EXPH5: variants seen among roughly 807,000 people sequenced by gnomAD.
The protein encoded by EXPH5 is exophilin 5.
EXPH5 carries 42 observed loss-of-function variants against 41.1 expected under a neutral mutation model. The ratio of observed to expected loss-of-function variants is 1.02; its 90% CI spans 0.80 to 1.32. The LOEUF (loss-of-function observed/expected upper bound fraction) is 1.32. Among genes scored for constraint, EXPH5 ranks in the 40% most tolerant of loss-of-function variants. The probability of loss-of-function intolerance (pLI) is 0.00; values close to 1 mark genes in which losing one functional copy is unlikely to be tolerated. For missense variants in EXPH5, 2,298 were observed against 2,314.5 expected (o/e 0.99, Z 0.15); for synonymous variants, 798 against 833.5 (o/e 0.96, Z 0.73).
rs2094133228 is a variant in EXPH5 at position 108,593,405 on chromosome 11, A to G, written c.119+13T>C. The G allele has an allele frequency of 1.9e-6, 3 of 1,608,750 alleles. No homozygotes were observed. The highest frequency in any genetic ancestry group is 2.6e-6 in the Non-Finnish European group (3 of 1,175,352). On this transcript the variant is annotated intron_variant, in intron 1 of 5. Coordinates refer to ENST00000265843, the MANE Select transcript of EXPH5 (RefSeq NM_015065.3). ...CCCAGGCCCAGGACAAAAGAAATGA[A>G]TTTGCTCTGTACCTGATCCTGTCCT...
rs547276709 is a variant in EXPH5 at position 108,589,152 on chromosome 11, A to G, written c.119+4266T>C. Among the ~76,000 whole-genome samples the G allele has an allele frequency of 2.6e-5, 4 of 152,338 alleles. No homozygotes were observed. The East Asian group carries it at 7.7e-4, about 29-fold the overall frequency. ...ATTCTATCGCCAATGAAAACCTTTC[A>G]TAGACTGAAGCCATTTGGGACAGAA... On this transcript the variant is annotated intron_variant, in intron 1 of 5. Transcript: ENST00000265843.
intron 3 of EXPH5, among the ~76,000 whole-genome samples, chr11:108,531,725 C>A (rs752703477): frequency 1.3e-5 from 2 of 152,220 alleles, no homozygotes; most frequent in Non-Finnish European, 2.9e-5. Context: ...GTGGGGCACA[C>A]TTTACCCACT....
chr11:108,563,127 T>A (rs1475410316), intron 1 of EXPH5, among the ~76,000 whole-genome samples: 3 of 152,174 alleles, frequency 2.0e-5, no homozygotes, highest in Non-Finnish European at 4.4e-5. Context: ...TGAGGAGGCT[T>A]TCTCTAGAGC....
chr11:108,509,875 T>C lies in EXPH5; in HGVS notation c.5632A>G (p.Ile1878Val). Residue 1878 changes from isoleucine to valine, a missense_variant, in exon 6 of 6, where the codon ATA becomes GTA. By Grantham distance (29) the Ile-to-Val change is conservative. Coordinates refer to ENST00000265843, the MANE Select transcript of EXPH5 (RefSeq NM_015065.3). ...SGTKTGPRSA[I>V]SIYRPIDYGI... Reference sequence around the variant, plus strand: ...TAGTCGATAGGTCTGTATATAGATATTGCAGACCTGGGACCTGTTTTTGTC... The same window carrying C: ...TAGTCGATAGGTCTGTATATAGATACTGCAGACCTGGGACCTGTTTTTGTC... The C allele has an allele frequency of 1.2e-6, 2 of 1,610,244 alleles. No individual in the cohort carries two copies. Among genetic ancestry groups the C allele is most frequent in the Non-Finnish European group, 1.7e-6 (2 of 1,178,850 alleles).
At chr11:108,570,659 T>G in intron 1 of EXPH5, among the ~76,000 whole-genome samples, 1 of 152,158 alleles carries the variant, frequency 6.6e-6, no homozygotes, top group Non-Finnish European at 1.5e-5. Context: ...TTCTGCCACC[T>G]CAGCCTCTTA....
At chr11:108,578,965 T>G (rs2094088893) in intron 1 of EXPH5, among the ~76,000 whole-genome samples, 1 of 152,238 alleles carries the variant, frequency 6.6e-6, no homozygotes, top group South Asian at 2.1e-4. Context: ...GAACAATGAT[T>G]TCTTTCTTTC....
At chr11:108,603,236 C>A in the EXPH5 span, among the ~76,000 whole-genome samples, 2 of 152,154 alleles carry the variant, frequency 1.3e-5, no homozygotes, top group African/African-American at 4.8e-5. Flanking sequence ...CAGACTAATA[C>A]AATAGGGTTG....
At chr11:108,526,061 T>C (rs1313581433) in intron 4 of EXPH5, among the ~76,000 whole-genome samples, 1 of 151,860 alleles carries the variant, frequency 6.6e-6, no homozygotes, top group Non-Finnish European at 1.5e-5. Flanking sequence ...ACTACAAGTG[T>C]GTGCCACCAC....
In EXPH5 at chr11:108,576,713, C is replaced by A. The variant is rs540347433; in HGVS notation, c.119+16705G>T. On this transcript the variant is annotated intron_variant, in intron 1 of 5. Coordinates refer to ENST00000265843, the MANE Select transcript of EXPH5 (RefSeq NM_015065.3). ...TAAGTAAGATATCCATTGCCTCAAGCATTTATCATTTCTTTGTGTTGGAAA... is the reference window on the plus strand; with the variant it reads ...TAAGTAAGATATCCATTGCCTCAAGAATTTATCATTTCTTTGTGTTGGAAA... Among the ~76,000 whole-genome samples the A allele has an allele frequency of 3.2e-4, 49 of 152,236 alleles. 1 individual carries two copies. Among genetic ancestry groups the A allele is most frequent in the Admixed American group, 3.1e-3 (48 of 15,290 alleles).
chr11:108,580,093 C>T (rs2094093392), intron 1 of EXPH5, among the ~76,000 whole-genome samples: 1 of 152,062 alleles, frequency 6.6e-6, no homozygotes, highest in East Asian at 1.9e-4. Context: ...TCAAAAGAAA[C>T]AATCAACAGA....
intron 1 of EXPH5, among the ~76,000 whole-genome samples, chr11:108,579,370 A>G (rs1038477099): frequency 6.6e-6 from 1 of 152,086 alleles, no homozygotes; most frequent in Non-Finnish European, 1.5e-5. Flanking sequence ...ATCCCGCCTG[A>G]TTATAATGAA....
chr11:108,523,194 G>A (rs906853947), intron 4 of EXPH5, among the ~76,000 whole-genome samples: 1 of 151,966 alleles, frequency 6.6e-6, no homozygotes. Flanking sequence ...TCTTGTATTT[G>A]AACAAAATTA....
chr11:108,519,579 CT>C (rs1411325922), intron 4 of EXPH5, among the ~76,000 whole-genome samples: 1 of 151,902 alleles, frequency 6.6e-6, no homozygotes, highest in African/African-American at 2.4e-5. Flanking sequence ...AAACCACTGT[CT>C]CTACTAAAAA....
intron 1 of EXPH5, among the ~76,000 whole-genome samples, chr11:108,566,526 G>A (rs2094035364): frequency 6.6e-6 from 1 of 152,090 alleles, no homozygotes; most frequent in Non-Finnish European, 1.5e-5. Flanking sequence ...TCTATTAATA[G>A]TTTTATTACA....
intron 3 of EXPH5, among the ~76,000 whole-genome samples, chr11:108,532,224 C>G (rs1283093173): frequency 2.7e-5 from 4 of 147,438 alleles, no homozygotes; most frequent in Non-Finnish European, 6.0e-5. Flanking sequence ...GTTGCCCAGG[C>G]TGGAGTAGAG....
intron 3 of EXPH5, among the ~76,000 whole-genome samples, chr11:108,531,220 T>C (rs1329182525): frequency 2.6e-5 from 4 of 152,178 alleles, no homozygotes; most frequent in African/African-American, 7.2e-5. Flanking sequence ...ACATCACCAA[T>C]AGAAAGATAT....
chr11:108,538,878 CAAGTT>C, intron 3 of EXPH5, 141 bp downstream of exon 3: 1 of 665,372 alleles, frequency 1.5e-6, no homozygotes, highest in Non-Finnish European at 2.4e-6. Context: ...TGTCACTATG[CAAGTT>C]AAGTCCCATT....
chr11:108,550,677 G>C (rs919289407), intron 1 of EXPH5, among the ~76,000 whole-genome samples: 60 of 152,134 alleles, frequency 3.9e-4, no homozygotes, highest in Non-Finnish European at 8.1e-4. Flanking sequence ...TACTCGGGAG[G>C]CTGAGGCAGG....
At chr11:108,574,166 C>T (rs928820228) in intron 1 of EXPH5, among the ~76,000 whole-genome samples, 1 of 151,868 alleles carries the variant, frequency 6.6e-6, no homozygotes, top group East Asian at 1.9e-4. Flanking sequence ...GCCTTAGCCT[C>T]CCAAAGTGCG....
Sources: gnomAD v4.1 joint callset for allele counts (sites outside exome capture counted in the v4.1 genomes callset) on GRCh38, gnomAD v4.1.1 for gene constraint, MANE v1.5 for transcripts, NCBI Gene and HGNC (gene_info 2026-07-23, HGNC 2026-07-21) for gene names.